BLTP1: variants seen among roughly 807,000 people sequenced by gnomAD.
BLTP1 encodes fragile site-associated protein.
At chr4:122,266,665 A>T in the BLTP1 span, 1 of 868,206 alleles carries the variant, frequency 1.2e-6, no homozygotes, top group Non-Finnish European at 1.7e-6. Flanking sequence ...TCACACTATG[A>T]TAATAATAAT....
chr4:122,229,069 AAAT>A, the BLTP1 span: 1 of 1,439,108 alleles, frequency 6.9e-7, no homozygotes, highest in Non-Finnish European at 9.3e-7. Flanking sequence ...TTAAGTATCA[AAAT>A]AATAAGTTGA....
At chr4:122,254,736 G>A in the BLTP1 span, 2 of 1,408,538 alleles carry the variant, frequency 1.4e-6, no homozygotes, top group East Asian at 2.5e-5. Flanking sequence ...AAGTACAGTA[G>A]GTATGGGAGA....
the BLTP1 span, among the ~76,000 whole-genome samples, chr4:122,216,603 TG>T: frequency 1.5e-4 from 23 of 152,186 alleles, no homozygotes; most frequent in African/African-American, 5.5e-4. Flanking sequence ...CACTTTTTGA[TG>T]GGATTATTTG....
At chr4:122,187,939 C>T in the BLTP1 span, 1 of 1,591,422 alleles carries the variant, frequency 6.3e-7, no homozygotes, top group Non-Finnish European at 8.5e-7. Flanking sequence ...AAACTCTGTG[C>T]ATCAACTTTG....
At chr4:122,277,813 T>C in the BLTP1 span, 1 of 792,544 alleles carries the variant, frequency 1.3e-6, no homozygotes, top group Non-Finnish European at 1.5e-6. Flanking sequence ...TAGTGAATAT[T>C]TTTTCTTTTC....
At chr4:122,219,580 A>C in the BLTP1 span, 1 of 1,589,438 alleles carries the variant, frequency 6.3e-7, no homozygotes, top group South Asian at 1.1e-5. Flanking sequence ...AAGTGTTTAC[A>C]CATGAAAGTA....
the BLTP1 span, chr4:122,343,837 TA>T: frequency 1.9e-6 from 1 of 528,472 alleles, no homozygotes; most frequent in Non-Finnish European, 2.4e-6. Context: ...TTCTAAGCGG[TA>T]TACACAGCAC....
the BLTP1 span, chr4:122,236,978 A>C: frequency 1.0e-6 from 1 of 985,382 alleles, no homozygotes; most frequent in Non-Finnish European, 1.2e-6. Context: ...GGGTAGAATT[A>C]AGGATCTATT....
chr4:122,224,640 A>G, the BLTP1 span: 6 of 1,614,064 alleles, frequency 3.7e-6, no homozygotes, highest in Non-Finnish European at 4.2e-6. Flanking sequence ...ATTGATGTGC[A>G]GGCTGGAAGT....
At chr4:122,346,509 A>G in the BLTP1 span, 2 of 1,439,320 alleles carry the variant, frequency 1.4e-6, no homozygotes, top group Non-Finnish European at 1.8e-6. Context: ...AACACTAATC[A>G]TAATATGTAA....
chr4:122,242,994 C>T, the BLTP1 span: 1 of 1,543,552 alleles, frequency 6.5e-7, no homozygotes, highest in African/African-American at 1.4e-5. Context: ...ATTTTATATT[C>T]TAGGTTATCA....
the BLTP1 span, chr4:122,236,718 T>C: frequency 1.1e-6 from 1 of 913,232 alleles, no homozygotes. Flanking sequence ...TATACTGATG[T>C]GAAATGAGGA....
chr4:122,227,149 A>G, the BLTP1 span: 6 of 967,470 alleles, frequency 6.2e-6, no homozygotes, highest in Non-Finnish European at 7.4e-6. Context: ...TTTATGTAGA[A>G]GATTTAGAAA....
the BLTP1 span, chr4:122,235,252 C>T: frequency 4.6e-6 from 3 of 646,864 alleles, no homozygotes; most frequent in Non-Finnish European, 5.8e-6. Context: ...CTTCTGTTGA[C>T]GTGGGTGGCT....
chr4:122,244,601 T>TGG, the BLTP1 span: 3 of 961,932 alleles, frequency 3.1e-6, no homozygotes, highest in Non-Finnish European at 3.7e-6. Flanking sequence ...TGGAACATAA[T>TGG]GGAAGTGGTG....
chr4:122,208,190 A>G, the BLTP1 span: 1 of 800,750 alleles, frequency 1.2e-6, no homozygotes, highest in South Asian at 5.7e-5. Flanking sequence ...CTACATAGAC[A>G]CTATTCCATG....
the BLTP1 span, chr4:122,254,206 C>A: frequency 1.2e-6 from 2 of 1,612,718 alleles, no homozygotes; most frequent in Non-Finnish European, 1.7e-6. Context: ...ATGAAGGAGT[C>A]GAATCTGATG....
At chr4:122,242,140 A>G in the BLTP1 span, among the ~76,000 whole-genome samples, 1 of 152,220 alleles carries the variant, frequency 6.6e-6, no homozygotes, top group Non-Finnish European at 1.5e-5. Context: ...TCCAAAGGCA[A>G]TTAATTCAGT....
chr4:122,220,186 G>C, the BLTP1 span: 1 of 869,112 alleles, frequency 1.2e-6, no homozygotes, highest in Non-Finnish European at 1.7e-6. Context: ...CTGAGGTACA[G>C]AATAGTTATT....
Sources: gnomAD v4.1 joint callset for allele counts (sites outside exome capture counted in the v4.1 genomes callset) on GRCh38, gnomAD v4.1.1 for gene constraint, MANE v1.5 for transcripts, NCBI Gene and HGNC (gene_info 2026-07-23, HGNC 2026-07-21) for gene names.